Variants in SOCS7 observed in about 807,000 individuals in gnomAD.
SOCS7 encodes suppressor of cytokine signaling 7.
In SOCS7, 18 loss-of-function variants were observed where a neutral mutation model predicts 58.9. That is an observed-to-expected ratio of 0.31 (90% CI 0.21 to 0.45). The LOEUF is 0.45. Among genes scored for constraint, SOCS7 ranks in the 20% least tolerant of loss-of-function variants. The probability of loss-of-function intolerance (pLI) is 1.00; values close to 1 mark genes in which losing one functional copy is unlikely to be tolerated. For synonymous variants in SOCS7, 388 were observed against 364.3 expected, an observed-to-expected ratio of 1.06 and a Z score of -0.74; for missense variants, 667 against 837.3, an observed-to-expected ratio of 0.80 and a Z score of 2.51.
At chr17:38,384,859 G>GGGATTACA (rs1217309898) in intron 7 of SOCS7, among the ~76,000 whole-genome samples, 1 of 150,472 alleles carries the variant, frequency 6.6e-6, no homozygotes, top group Admixed American at 6.6e-5. Context: ...CCAAAGTGCT[G>GGGATTACA]GGATTACAGG....
intron 7 of SOCS7, among the ~76,000 whole-genome samples, chr17:38,385,814 C>G (rs1383100405): frequency 6.6e-6 from 1 of 152,040 alleles, no homozygotes; most frequent in Non-Finnish European, 1.5e-5. Flanking sequence ...TAATTACGTA[C>G]TCTTGTTGGA....
rs1316332542 is a variant in SOCS7 at position 38,404,326 on chromosome 17, T to G, written c.*4844T>G. 6.6e-6 allele frequency: 1 copy of G among 152,304 alleles called. No homozygotes were observed. The highest frequency in any genetic ancestry group is 2.4e-5 in the African/African-American group (1 of 41,450). 9.4% of individuals were successfully genotyped at this position (152,304 alleles called of 1,614,324 possible). On this transcript the variant is annotated 3_prime_UTR_variant, in exon 10 of 10. Coordinates refer to ENST00000612932, the MANE Select transcript of SOCS7 (RefSeq NM_014598.4). ...TATTGTCTTTGTCCTTTTCATTGCT[T>G]CTTGACCTTCCTGGCAGGTGTCGCT...
rs1205035195 is a variant in SOCS7, at chr17:38,352,708, C to G, written c.656C>G (p.Pro219Arg). 1 of 1,549,878 alleles carries G rather than the reference C, an allele frequency of 6.5e-7. No individual in the cohort carries two copies. The highest frequency in any genetic ancestry group is 8.7e-7 in the Non-Finnish European group (1 of 1,146,914). ...GGGGRLLLQP[P>R]GPELPPVPFP... ...GGCGGCCGGCTTCTGCTGCAGCCCCCAGGCCCTGAATTACCTCCGGTGCCC... is the reference window on the plus strand; with the variant it reads ...GGCGGCCGGCTTCTGCTGCAGCCCCGAGGCCCTGAATTACCTCCGGTGCCC... The change falls in exon 1 of 10, where the codon CCA (proline) becomes CGA (arginine). Residue 219 changes from proline (P) to arginine (R), a missense_variant. By Grantham distance (103) the Pro-to-Arg change is moderately radical (BLOSUM62 -2). Around this residue, in one of 9 missense-constraint regions of SOCS7, gnomAD observed 208 missense variants for 190.3 expected, o/e 1.09. Transcript: ENST00000612932. This position sits in a 1 kb window ranked among gnomAD's most constrained non-coding sequence, Gnocchi z 5.5.
intron 7 of SOCS7, among the ~76,000 whole-genome samples, chr17:38,386,807 C>T (rs1388758268): frequency 4.6e-5 from 7 of 151,422 alleles, no homozygotes; most frequent in Admixed American, 2.0e-4. Context: ...AATTAATGGC[C>T]GGGCACAGTG....
intron 7 of SOCS7, among the ~76,000 whole-genome samples, chr17:38,387,686 T>A (rs1254165123): frequency 1.1e-5 from 1 of 92,372 alleles, no homozygotes; most frequent in African/African-American, 8.2e-5. Context: ...TTTTATATAT[T>A]TATATATTTA....
chr17:38,393,200 T>A (rs2038198693), intron 7 of SOCS7, among the ~76,000 whole-genome samples: 1 of 152,150 alleles, frequency 6.6e-6, no homozygotes, highest in African/African-American at 2.4e-5. Flanking sequence ...TAAGATGAGC[T>A]TAACTTGTTC....
At chr17:38,398,227 C>T (rs780687545) in intron 9 of SOCS7, among the ~76,000 whole-genome samples, 9 of 151,684 alleles carry the variant, frequency 5.9e-5, no homozygotes, top group Non-Finnish European at 8.8e-5. Context: ...AGTAACACTT[C>T]CCAAGGGAAA....
At chr17:38,372,105 A>G (rs865786369) in intron 6 of SOCS7, among the ~76,000 whole-genome samples, 2 of 152,136 alleles carry the variant, frequency 1.3e-5, no homozygotes, top group Admixed American at 6.6e-5. Context: ...CTGCTTATAC[A>G]TGGATTTTAA....
At chr17:38,361,130 G>A (rs2037713640) in intron 1 of SOCS7, among the ~76,000 whole-genome samples, 1 of 152,234 alleles carries the variant, frequency 6.6e-6, no homozygotes, top group Non-Finnish European at 1.5e-5. Flanking sequence ...GCTAGGCAGA[G>A]CCCCTAATCT....
chr17:38,389,868 C>CATATATATAT (rs1463868655), intron 7 of SOCS7, among the ~76,000 whole-genome samples: 2 of 18,630 alleles, frequency 1.1e-4, no homozygotes, highest in African/African-American at 3.5e-4. Flanking sequence ...TATGTGTGTA[C>CATATATATAT]ATATATATAT....
intron 6 of SOCS7, among the ~76,000 whole-genome samples, chr17:38,376,940 T>C (rs2037939461): frequency 6.6e-6 from 1 of 152,212 alleles, no homozygotes; most frequent in African/African-American, 2.4e-5. Flanking sequence ...ATACTTACCA[T>C]TCTTTAGAGT....
intron 6 of SOCS7, among the ~76,000 whole-genome samples, chr17:38,374,946 A>G (rs187527653): frequency 4.7e-4 from 72 of 152,366 alleles, no homozygotes; most frequent in Middle Eastern, 6.8e-3. Flanking sequence ...GGTACCATAT[A>G]GAAACATTTT....
chr17:38,370,638 G>T (rs1300572876), intron 6 of SOCS7, among the ~76,000 whole-genome samples: 2 of 151,800 alleles, frequency 1.3e-5, no homozygotes, highest in Admixed American at 1.3e-4. Context: ...ACTGTACCTC[G>T]CCTATAACCG....
rs1338364280 is a variant in SOCS7 at position 38,404,579 on chromosome 17, G to C, written c.*5097G>C. On this transcript the variant is annotated 3_prime_UTR_variant, in exon 10 of 10. Transcript: ENST00000612932. ...GGGCAGACAGAAAGCAGCCAGCCAC[G>C]GCGGGAAGACATGCATGTTTGGTTG... is the stretch of plus-strand genomic sequence containing the variant. 1 of 152,302 alleles carries C rather than the reference G, an allele frequency of 6.6e-6. No individual in the cohort carries two copies. The highest frequency in any genetic ancestry group is 1.5e-5 in the Non-Finnish European group (1 of 68,124). 9.4% of individuals were successfully genotyped at this position (152,302 alleles called of 1,614,324 possible).
intron 7 of SOCS7, among the ~76,000 whole-genome samples, chr17:38,393,746 A>G (rs1267615498): frequency 6.6e-6 from 1 of 151,444 alleles, no homozygotes; most frequent in Non-Finnish European, 1.5e-5. Context: ...TGAAAATACA[A>G]AAAATTAGCC....
intron 1 of SOCS7, among the ~76,000 whole-genome samples, chr17:38,356,098 C>A (rs777174413): frequency 6.6e-6 from 1 of 151,898 alleles, no homozygotes; most frequent in Admixed American, 6.6e-5. Context: ...GCCATGTTTG[C>A]CAGGTTGGTC....
At chr17:38,395,199 A>G (rs2038229315) in intron 7 of SOCS7, 110 bp from the exon 8 acceptor site, 1 of 1,126,036 alleles carries the variant, frequency 8.9e-7, no homozygotes, top group East Asian at 2.5e-5. Flanking sequence ...GAATACATAT[A>G]TGAACCATAA....
rs905298612 is a variant in SOCS7 at position 38,366,164 on chromosome 17, T to A, written c.1253-123T>A. 5.0e-6 allele frequency: 7 copies of A among 1,404,494 alleles called. No individual in the cohort carries two copies. In the African/African-American group the frequency reaches 8.7e-5, roughly 17 times the overall value. The allele number at this position is 1,404,494 out of a possible 1,614,324, so 87.0% of individuals were successfully genotyped here. On this transcript the variant is annotated intron_variant, in intron 4 of 9. Coordinates refer to ENST00000612932, the MANE Select transcript of SOCS7 (RefSeq NM_014598.4). ...TTTGCCACTGCTTTGGCTTCTACCC[T>A]TTCCAGCTTAGCTTCTAATGCCTTG...
At chr17:38,379,160 AAAAAAAAAAC>A (rs1390801991) in intron 7 of SOCS7, among the ~76,000 whole-genome samples, 12 of 150,590 alleles carry the variant, frequency 8.0e-5, no homozygotes, top group Non-Finnish European at 1.5e-4. Context: ...CCTGTCTCAA[AAAAAAAAAAC>A]AAAAAAAAAC....
Sources: allele counts gnomAD v4.1 joint callset (sites outside exome capture counted in the v4.1 genomes callset), GRCh38; gene constraint gnomAD v4.1.1; regional missense constraint gnomAD v4.1.1; non-coding constraint Gnocchi (gnomAD v3.1); transcripts MANE v1.5; gene names NCBI Gene and HGNC (gene_info 2026-07-23, HGNC 2026-07-21).